SOX5: variants seen among roughly 807,000 people sequenced by gnomAD.
The protein encoded by SOX5 is SRY-box transcription factor 5.
A neutral mutation model predicts 92.0 loss-of-function variants in SOX5; 9 were observed. That is an observed-to-expected ratio of 0.10 (90% CI 0.06 to 0.17). The LOEUF is 0.17. SOX5 is among the 10% of genes least tolerant of loss of function. SOX5 has a pLI of 1.00. For synonymous variants in SOX5, 344 were observed against 336.3 expected (o/e 1.02, Z -0.25); for missense variants, 642 against 944.5 (o/e 0.68, Z 4.20).
chr12:24,517,014 T>C (rs1566366416), intron 1 of SOX5, among the ~76,000 whole-genome samples: 1 of 152,216 alleles, frequency 6.6e-6, no homozygotes, highest in Non-Finnish European at 1.5e-5. Context: ...TAAAAAATTA[T>C]TCTGAAGAAC....
intron 4 of SOX5, among the ~76,000 whole-genome samples, chr12:23,980,008 G>C (rs1011983975): frequency 2.0e-5 from 3 of 151,226 alleles, no homozygotes; most frequent in Non-Finnish European, 4.4e-5. Flanking sequence ...ACAGAATCTC[G>C]CTATATTGCC....
chr12:24,558,379 C>T (rs924852213), intron 1 of SOX5, among the ~76,000 whole-genome samples: 1 of 152,024 alleles, frequency 6.6e-6, no homozygotes, highest in Non-Finnish European at 1.5e-5. Flanking sequence ...CGCGAAATTC[C>T]GCTAACTCAT....
chr12:24,243,735 A>G (rs1030492838), intron 3 of SOX5, among the ~76,000 whole-genome samples: 1 of 152,060 alleles, frequency 6.6e-6, no homozygotes, highest in Non-Finnish European at 1.5e-5. Flanking sequence ...TTTAAATTTT[A>G]TATGTATTTA....
chr12:23,563,138 G>T, intron 11 of SOX5, 120 bp downstream of exon 11: 1 of 801,528 alleles, frequency 1.2e-6, no homozygotes, highest in Non-Finnish European at 2.0e-6. Flanking sequence ...TTAATGGAGG[G>T]AGAAAAGGGA....
chr12:24,439,259 T>C (rs1340333954), intron 1 of SOX5, among the ~76,000 whole-genome samples: 3 of 152,346 alleles, frequency 2.0e-5, no homozygotes, highest in East Asian at 3.9e-4. Flanking sequence ...GTACACTTAA[T>C]AGACCACAGT....
intron 2 of SOX5, among the ~76,000 whole-genome samples, chr12:24,331,075 C>A (rs2140983530): frequency 6.6e-6 from 1 of 152,272 alleles, no homozygotes; most frequent in South Asian, 2.1e-4. Context: ...GGACAGAAAA[C>A]AGGGGTACTC....
At chr12:23,687,191 T>C (rs2087754283) in intron 6 of SOX5, among the ~76,000 whole-genome samples, 1 of 152,058 alleles carries the variant, frequency 6.6e-6, no homozygotes, top group South Asian at 2.1e-4. Flanking sequence ...GGCCTACATG[T>C]GTCGTCACTA....
intron 2 of SOX5, among the ~76,000 whole-genome samples, chr12:24,360,778 T>C (rs1461299319): frequency 3.3e-5 from 5 of 152,206 alleles, no homozygotes; most frequent in South Asian, 2.1e-4. Context: ...GTGATACACA[T>C]GGAATTCACA....
At chr12:24,083,612 C>T (rs1336737943) in intron 4 of SOX5, among the ~76,000 whole-genome samples, 1 of 151,938 alleles carries the variant, frequency 6.6e-6, no homozygotes, top group Non-Finnish European at 1.5e-5. Flanking sequence ...TGGGAGGCAT[C>T]CTGAGTGTAA....
In SOX5 at chr12:23,836,225, C is replaced by A. The variant is rs183670599; in HGVS notation, c.481+9758G>T. 5.4e-3 allele frequency among the ~76,000 whole-genome samples: 824 copies of A among 151,876 alleles called. 3 individuals are homozygous for A. The highest frequency in any genetic ancestry group is 8.5e-3 in the Non-Finnish European group (576 of 67,816). ...GTTAGGTTTAATTGCTGAAGACCAA[C>A]CGATAGACCATAATTATCACAAAAT... On this transcript the variant is annotated intron_variant, in intron 3 of 14. Transcript: ENST00000451604.
chr12:23,712,392 G>A (rs1477189388), intron 6 of SOX5, among the ~76,000 whole-genome samples: 1 of 152,146 alleles, frequency 6.6e-6, no homozygotes, highest in Non-Finnish European at 1.5e-5. Context: ...GAACTGATAT[G>A]GATTAGGTAC....
intron 3 of SOX5, chr12:24,227,402 T>A (rs1228585247): frequency 1.3e-5 from 2 of 152,224 alleles, no homozygotes; most frequent in Non-Finnish European, 2.9e-5. Flanking sequence ...AATTTACCTT[T>A]TCTAAGACCA....
chr12:24,102,048 T>G (rs1490565780), intron 4 of SOX5, among the ~76,000 whole-genome samples: 1 of 152,180 alleles, frequency 6.6e-6, no homozygotes, highest in East Asian at 1.9e-4. Context: ...TAACAAACAA[T>G]GAGGTTCCAA....
intron 1 of SOX5, among the ~76,000 whole-genome samples, chr12:24,527,101 T>C (rs1297798517): frequency 6.6e-6 from 1 of 152,166 alleles, no homozygotes; most frequent in African/African-American, 2.4e-5. Flanking sequence ...CATATTTCTT[T>C]ATTGTTTGTT....
intron 1 of SOX5, among the ~76,000 whole-genome samples, chr12:23,906,690 G>A (rs553864811): frequency 5.3e-5 from 8 of 152,284 alleles, no homozygotes; most frequent in South Asian, 4.1e-4. Flanking sequence ...TATCTCTTCC[G>A]ATATAGGCTG....
chr12:23,681,663 A>G (rs562787848), intron 6 of SOX5, among the ~76,000 whole-genome samples: 121 of 151,970 alleles, frequency 8.0e-4, no homozygotes, highest in African/African-American at 2.7e-3. Context: ...AGCTTCTATT[A>G]TAAGTTATAA....
intron 4 of SOX5, among the ~76,000 whole-genome samples, chr12:24,004,131 C>T (rs1002917814): frequency 2.6e-5 from 4 of 151,752 alleles, no homozygotes; most frequent in Admixed American, 2.6e-4. Flanking sequence ...GCTGACCTCT[C>T]ACCATAAACA....
chr12:23,761,049 T>C (rs1311823870), intron 3 of SOX5, among the ~76,000 whole-genome samples: 1 of 152,156 alleles, frequency 6.6e-6, no homozygotes, highest in Non-Finnish European at 1.5e-5. Flanking sequence ...TAAGCTGTTT[T>C]ATTCTTGACA....
intron 1 of SOX5, among the ~76,000 whole-genome samples, chr12:24,555,028 G>A (rs1185068516): frequency 6.6e-6 from 1 of 152,210 alleles, no homozygotes; most frequent in Non-Finnish European, 1.5e-5. Flanking sequence ...GCTGACAATC[G>A]AAGGACTGCT....
Sources: gnomAD v4.1 joint callset for allele counts (sites outside exome capture counted in the v4.1 genomes callset) on GRCh38, gnomAD v4.1.1 for gene constraint, MANE v1.5 for transcripts, NCBI Gene and HGNC (gene_info 2026-07-23, HGNC 2026-07-21) for gene names.